Variants in PKNOX2 observed in about 807,000 individuals in gnomAD.
PKNOX2 encodes homeobox protein PKNOX2.
Under a neutral mutation model 53.1 loss-of-function variants are expected in PKNOX2, and 14 were observed. That is an observed-to-expected ratio of 0.26 (90% CI 0.17 to 0.41). PKNOX2 has a LOEUF of 0.41. Among genes scored for constraint, PKNOX2 ranks in the 10% least tolerant of loss-of-function variants. The probability of loss-of-function intolerance (pLI) is 1.00; values close to 1 mark genes in which losing one functional copy is unlikely to be tolerated. For missense variants in PKNOX2, 496 were observed against 602.8 expected (o/e 0.82, Z 1.85); for synonymous variants, 257 against 242.8 (o/e 1.06, Z -0.54).
intron 4 of PKNOX2, among the ~76,000 whole-genome samples, chr11:125,365,090 C>T (rs1952118388): frequency 6.6e-6 from 1 of 152,104 alleles, no homozygotes; most frequent in South Asian, 2.1e-4. Flanking sequence ...TCATACAGAA[C>T]TGATATAATC....
chr11:125,224,181 C>G (rs2135516937), intron 1 of PKNOX2, among the ~76,000 whole-genome samples: 1 of 152,398 alleles, frequency 6.6e-6, no homozygotes, highest in South Asian at 2.1e-4. Context: ...CCAGCAAGTC[C>G]TGCCTCAGCA....
At chr11:125,292,649 C>G (rs1377815165) in intron 2 of PKNOX2, among the ~76,000 whole-genome samples, 3 of 152,176 alleles carry the variant, frequency 2.0e-5, no homozygotes, top group Non-Finnish European at 4.4e-5. Flanking sequence ...CAGGTCTAGC[C>G]ATGTGTGGGA....
intron 3 of PKNOX2, chr11:125,332,776 A>G (rs1378885313): frequency 6.6e-6 from 1 of 152,108 alleles, no homozygotes; most frequent in East Asian, 1.9e-4. Context: ...CAAATTCCTC[A>G]CAAAGCTGGT....
intron 3 of PKNOX2, among the ~76,000 whole-genome samples, chr11:125,346,750 A>AAGGG (rs1427658856): frequency 6.7e-6 from 1 of 148,876 alleles, no homozygotes; most frequent in East Asian, 1.9e-4. Context: ...CTATGGAAGG[A>AAGGG]AGGAAGGAAG....
chr11:125,316,271 C>T (rs867321724), intron 2 of PKNOX2, among the ~76,000 whole-genome samples: 15 of 152,238 alleles, frequency 9.9e-5, no homozygotes, highest in Non-Finnish European at 1.5e-4. Context: ...ACCTGAGAAC[C>T]TCCATCCAGT....
chr11:125,406,979 T>C (rs542575392), intron 7 of PKNOX2, among the ~76,000 whole-genome samples: 2 of 145,466 alleles, frequency 1.4e-5, no homozygotes, highest in African/African-American at 5.1e-5. Context: ...AAGCAGCTCA[T>C]GTTTACAGAT....
chr11:125,240,603 G>A lies in PKNOX2; in HGVS notation c.-130+5488G>A, dbSNP rs1257001297. ...ATCGCCTTTCTTCATCCACTGAAAT[G>A]CAGTTCTAAATCCTTGTCCAGCCTG... On this transcript the variant is annotated intron_variant, in intron 2 of 12. Transcript: ENST00000298282. This position sits in a 1 kb window ranked among gnomAD's most constrained non-coding sequence, Gnocchi z 4.3. Among the ~76,000 whole-genome samples, 1 of 152,120 alleles carries A rather than the reference G, an allele frequency of 6.6e-6. No individual in the cohort carries two copies. Among genetic ancestry groups the A allele is most frequent in the African/African-American group, 2.4e-5 (1 of 41,430 alleles).
rs540349228 is a variant in PKNOX2 at position 125,194,163 on chromosome 11, A to G, written c.-201+29387A>G. ...GGTCTCTGCTGAGCCCTGTGTGGAG[A>G]GCGGTTGCGTAGCACAGGGCAGGAG... On this transcript the variant is annotated intron_variant, in intron 1 of 12. Transcript: ENST00000298282. Among the ~76,000 whole-genome samples the G allele has an allele frequency of 2.0e-3, 301 of 152,178 alleles. 2 individuals are homozygous for G. Among genetic ancestry groups the G allele is most frequent in the African/African-American group, 7.0e-3 (291 of 41,514 alleles).
intron 2 of PKNOX2, among the ~76,000 whole-genome samples, chr11:125,271,715 T>C (rs1425591374): frequency 2.0e-5 from 3 of 150,104 alleles, no homozygotes; most frequent in African/African-American, 7.5e-5. Context: ...GATGACTTTG[T>C]CAAGAAAAAA....
intron 2 of PKNOX2, among the ~76,000 whole-genome samples, chr11:125,328,648 G>A (rs552184479): frequency 7.9e-5 from 12 of 152,292 alleles, no homozygotes; most frequent in African/African-American, 1.2e-4. Context: ...GGGCACAGCC[G>A]CCTCTGCCTC....
intron 4 of PKNOX2, among the ~76,000 whole-genome samples, chr11:125,364,685 T>C (rs1210854988): frequency 1.3e-5 from 2 of 152,202 alleles, no homozygotes; most frequent in Non-Finnish European, 2.9e-5. Context: ...ATTCCGGAAA[T>C]CTCGTGTTTA....
intron 4 of PKNOX2, among the ~76,000 whole-genome samples, chr11:125,363,394 A>G (rs1565507068): frequency 6.6e-6 from 1 of 152,200 alleles, no homozygotes; most frequent in African/African-American, 2.4e-5. Flanking sequence ...TAGGAATCCA[A>G]AGAGATCAGG....
chr11:125,362,218 T>G (rs1297859593), intron 4 of PKNOX2, among the ~76,000 whole-genome samples: 2 of 152,176 alleles, frequency 1.3e-5, no homozygotes, highest in Non-Finnish European at 2.9e-5. Flanking sequence ...CATTCTCCTC[T>G]TCAAAGAAAA....
At chr11:125,235,155 A>G (rs973957515) in intron 2 of PKNOX2, 40 bp downstream of exon 2, 1 of 152,642 alleles carries the variant, frequency 6.6e-6, no homozygotes, top group Admixed American at 6.5e-5. Context: ...CTGACTCAAT[A>G]AGGTTAGGGG....
intron 3 of PKNOX2, among the ~76,000 whole-genome samples, chr11:125,340,776 G>T (rs1462484413): frequency 1.3e-5 from 2 of 152,216 alleles, no homozygotes; most frequent in Admixed American, 6.5e-5. Flanking sequence ...GCCAGGCCAG[G>T]CGCGGTGGCT....
At chr11:125,218,038 CT>C (rs1381697803) in intron 1 of PKNOX2, among the ~76,000 whole-genome samples, 3 of 152,140 alleles carry the variant, frequency 2.0e-5, no homozygotes, top group Non-Finnish European at 4.4e-5. Context: ...AATGGGTCTT[CT>C]CCTTCTCCTC....
chr11:125,182,420 C>A (rs755331796), intron 1 of PKNOX2, among the ~76,000 whole-genome samples: 15 of 152,190 alleles, frequency 9.9e-5, no homozygotes, highest in Non-Finnish European at 1.5e-4. Context: ...TGGCTTTTGA[C>A]AGACCAGGGT....
chr11:125,198,407 C>A lies in PKNOX2; in HGVS notation c.-201+33631C>A, dbSNP rs12364354. Among the ~76,000 whole-genome samples the A allele has an allele frequency of 6.8e-3, 1,030 of 152,348 alleles. 9 individuals are homozygous for A. Among genetic ancestry groups the A allele is most frequent in the Non-Finnish European group, 0.012 (788 of 68,028 alleles). ...AATCAGTTTCAGCCGCGGATCCCCT[C>A]TTTACCTGAGGGTAAGAAGGACGGT... On this transcript the variant is annotated intron_variant, in intron 1 of 12. Coordinates refer to ENST00000298282, the MANE Select transcript of PKNOX2 (RefSeq NM_001382323.2).
At chr11:125,244,913 G>A (rs1943441717) in intron 2 of PKNOX2, among the ~76,000 whole-genome samples, 1 of 152,142 alleles carries the variant, frequency 6.6e-6, no homozygotes, top group African/African-American at 2.4e-5. Flanking sequence ...GAGACCACGT[G>A]GTGGGTGGTG....
Sources: gnomAD v4.1 joint callset for allele counts (sites outside exome capture counted in the v4.1 genomes callset) on GRCh38, gnomAD v4.1.1 for gene constraint, Gnocchi (gnomAD v3.1) non-coding constraint, MANE v1.5 for transcripts, NCBI Gene and HGNC (gene_info 2026-07-23, HGNC 2026-07-21) for gene names.